Variants in ART4 observed in about 807,000 individuals in gnomAD.
ART4 encodes the protein ecto-ADP-ribosyltransferase 4.
A neutral mutation model predicts 24.2 loss-of-function variants in ART4; 14 were observed. The ratio of observed to expected loss-of-function variants is 0.58; its 90% CI spans 0.38 to 0.90. ART4 has a LOEUF of 0.90. Among genes scored for constraint, ART4 ranks in the 40% least tolerant of loss-of-function variants. The pLI is 0.00. For synonymous variants in ART4, 145 were observed against 139.9 expected (o/e 1.04, Z -0.26); for missense variants, 356 against 366.6 (o/e 0.97, Z 0.24).
chr12:14,829,506 T>G, intron 2 of ART4, 44 bp from the exon 3 acceptor site: 1 of 1,469,650 alleles, frequency 6.8e-7, no homozygotes. Context: ...TAGCAGAGTT[T>G]TTTTTAAAAC....
At chr12:14,831,485 G>A (rs915116896) in intron 2 of ART4, among the ~76,000 whole-genome samples, 2 of 151,364 alleles carry the variant, frequency 1.3e-5, no homozygotes, top group Non-Finnish European at 2.9e-5. Context: ...GGCTGGTCTC[G>A]AACTCCTGAG....
At position 14,840,634 on chromosome 12, in the gene ART4, T is replaced by G; in HGVS notation, c.664A>C (p.Asn222His). ...GTGAATATGGTAAATAGTGTCTGGT[T>G]CCCAAACTCCTGTGCCTCTTCTTTC... ...LLKEEAQEFG[N>H]QTLFTIFTCL... The change falls in exon 2 of 3, where the codon AAC becomes CAC. Residue 222 changes from asparagine to histidine, a missense_variant. By Grantham distance (68) the Asn-to-His change is moderately conservative. Transcript: ENST00000228936. 6.2e-7 allele frequency: 1 copy of G among 1,614,144 alleles called. No individual in the cohort carries two copies. The highest frequency in any genetic ancestry group is 8.5e-7 in the Non-Finnish European group (1 of 1,180,024).
Position 14,829,404 on chromosome 12 carries a change from G to A in ART4, c.912C>T (p.Thr304=). 6.2e-7 allele frequency: 1 copy of A among 1,607,898 alleles called. No individual in the cohort carries two copies. The highest frequency in any genetic ancestry group is 1.3e-5 in the African/African-American group (1 of 74,782). The change falls in exon 3 of 3, where the codon ACC becomes ACT. Residue 304 remains threonine, a synonymous_variant. Transcript: ENST00000228936. ...TGCTTTTGGAAAAGATGATGACACT[G>A]GTCAAAAAGGAGAGAGATGCAATAG... ...PIAIASLSFL[T]SVIIFSKSRV
chr12:14,829,290 AT>A lies in ART4; in HGVS notation c.*80del. 1 of 965,814 alleles carries A rather than the reference AT, an allele frequency of 1.0e-6. No individual in the cohort carries two copies. Among genetic ancestry groups the A allele is most frequent in the East Asian group, 2.9e-5 (1 of 34,976 alleles). 59.8% of individuals were successfully genotyped at this position (965,814 alleles called of 1,614,324 possible). ...TGGGATCATCCTTCCTGGAAAATAA[AT>A]GTCCATTTCTAGCCAAAAGGCCAAT... On this transcript the variant is annotated 3_prime_UTR_variant, in exon 3 of 3. Coordinates refer to ENST00000228936, the MANE Select transcript of ART4 (RefSeq NM_021071.4).
chr12:14,829,478 CAA>C lies in ART4; in HGVS notation c.854-18_854-17del. 6.3e-7 allele frequency: 1 copy of C among 1,587,684 alleles called. No individual in the cohort carries two copies. The highest frequency in any genetic ancestry group is 1.4e-5 in the African/African-American group (1 of 73,956). On this transcript the variant is annotated splice_polypyrimidine_tract_variant and intron_variant, in intron 2 of 2. Coordinates refer to ENST00000228936, the MANE Select transcript of ART4 (RefSeq NM_021071.4). Reference sequence around the variant, plus strand: ...TTGCTGGAAGCTGTAAAAAACAAAACAAAGGAAATATTTTAGGTAGCAGAGTT... The same window carrying C: ...TTGCTGGAAGCTGTAAAAAACAAAACAGGAAATATTTTAGGTAGCAGAGTT...
intron 2 of ART4, among the ~76,000 whole-genome samples, chr12:14,837,865 T>A (rs1950441550): frequency 6.6e-6 from 1 of 152,172 alleles, no homozygotes; most frequent in Non-Finnish European, 1.5e-5. Context: ...GAGGTTCTGT[T>A]ACGATAATTA....
At chr12:14,836,142 T>G (rs374985766) in intron 2 of ART4, among the ~76,000 whole-genome samples, 1 of 152,184 alleles carries the variant, frequency 6.6e-6, no homozygotes, top group South Asian at 2.1e-4. Flanking sequence ...GAATTTCTTT[T>G]TCCTTCTTCA....
Position 14,828,037 on chromosome 12 carries a change from C to T in ART4, c.*1334G>A, listed in dbSNP as rs755051717. On this transcript the variant is annotated 3_prime_UTR_variant, in exon 3 of 3. Coordinates refer to ENST00000228936, the MANE Select transcript of ART4 (RefSeq NM_021071.4). ...CCATTTAGCCTGATACCAGGGTCTT[C>T]AGTGATCGTGATCGGGTTAAATAAT... is the stretch of plus-strand genomic sequence containing the variant. 6.6e-6 allele frequency: 1 copy of T among 152,188 alleles called. No individual in the cohort carries two copies. The highest frequency in any genetic ancestry group is 1.5e-5 in the Non-Finnish European group (1 of 68,040). 9.4% of individuals were successfully genotyped at this position (152,188 alleles called of 1,614,324 possible). A position where few individuals can be genotyped will look rare whatever the true frequency, so the allele number is the denominator to read the frequency against.
intron 2 of ART4, among the ~76,000 whole-genome samples, chr12:14,835,864 A>G (rs1160496338): frequency 1.3e-5 from 2 of 152,058 alleles, no homozygotes; most frequent in African/African-American, 4.8e-5. Flanking sequence ...CGACCTCCCA[A>G]AGTGCTGAGA....
chr12:14,830,649 GTATATA>G (rs3084548), intron 2 of ART4, among the ~76,000 whole-genome samples: 1,581 of 25,812 alleles, frequency 0.061, 80 homozygotes, highest in Non-Finnish European at 0.063. Context: ...CTGTATGTAT[GTATATA>G]TATATATATA....
chr12:14,827,357 C>T lies in ART4; in HGVS notation c.*2014G>A, dbSNP rs1226965979. ...AGGTAGCCACCAAACTGCCAAAGACCCTATCCTATGCAAGTCACATAAATT... is the reference window on the plus strand; with the variant it reads ...AGGTAGCCACCAAACTGCCAAAGACTCTATCCTATGCAAGTCACATAAATT... On this transcript the variant is annotated 3_prime_UTR_variant, in exon 3 of 3. Coordinates refer to ENST00000228936, the MANE Select transcript of ART4 (RefSeq NM_021071.4). 1 of 152,216 alleles carries T rather than the reference C, an allele frequency of 6.6e-6. No individual in the cohort carries two copies. The highest frequency in any genetic ancestry group is 1.5e-5 in the Non-Finnish European group (1 of 68,092). The allele number at this position is 152,216 out of a possible 1,614,324, so 9.4% of individuals were successfully genotyped here. A position where few individuals can be genotyped will look rare whatever the true frequency, so the allele number is the denominator to read the frequency against.
At chr12:14,832,271 G>A (rs11056198) in intron 2 of ART4, among the ~76,000 whole-genome samples, 49,011 of 151,922 alleles carry the variant, frequency 0.32, 8,643 homozygotes, top group Middle Eastern at 0.39. Context: ...TCTCATTCCC[G>A]TACACTGGCA....
intron 2 of ART4, among the ~76,000 whole-genome samples, chr12:14,836,747 A>G (rs537168567): frequency 2.6e-5 from 4 of 152,262 alleles, no homozygotes; most frequent in African/African-American, 9.6e-5. Flanking sequence ...CTGCAATGTG[A>G]GCTTATTCCT....
intron 2 of ART4, among the ~76,000 whole-genome samples, chr12:14,835,566 C>T (rs921503824): frequency 6.6e-6 from 1 of 151,864 alleles, no homozygotes; most frequent in Non-Finnish European, 1.5e-5. Flanking sequence ...AACAAACAAA[C>T]AACACTGTAG....
chr12:14,840,469 T>A lies in ART4; in HGVS notation c.829A>T (p.Thr277Ser). Residue 277 changes from threonine (T) to serine (S), a missense_variant, in exon 2 of 3, where the codon ACA becomes TCA. By Grantham distance (58) the Thr-to-Ser change is moderately conservative (BLOSUM62 1). Transcript: ENST00000228936. ...LQLRSTGNLS[T>S]YNCQLLKASS... ...CCTTTTAGCAGCTGACAGTTATATG[T>A]GCTCAGGTTCCCAGTTGACCTCAAC... is the stretch of plus-strand genomic sequence containing the variant. 1.2e-6 allele frequency: 2 copies of A among 1,613,140 alleles called. No homozygotes were observed. Among genetic ancestry groups the A allele is most frequent in the Non-Finnish European group, 1.7e-6 (2 of 1,179,602 alleles).
At chr12:14,835,227 TAC>T (rs1950421546) in intron 2 of ART4, among the ~76,000 whole-genome samples, 1 of 152,190 alleles carries the variant, frequency 6.6e-6, no homozygotes, top group Non-Finnish European at 1.5e-5. Context: ...CAGAGAAGAT[TAC>T]AGTTTCGTGA....
chr12:14,831,359 C>T (rs750035924), intron 2 of ART4, among the ~76,000 whole-genome samples: 3 of 150,834 alleles, frequency 2.0e-5, no homozygotes, highest in Non-Finnish European at 2.9e-5. Flanking sequence ...AACATCAGCT[C>T]AAGTGATTCT....
At chr12:14,830,167 A>G (rs1950385159) in intron 2 of ART4, among the ~76,000 whole-genome samples, 1 of 143,424 alleles carries the variant, frequency 7.0e-6, no homozygotes, top group African/African-American at 2.5e-5. Flanking sequence ...CTAACTACAC[A>G]TATACACCTT....
intron 2 of ART4, among the ~76,000 whole-genome samples, chr12:14,836,854 A>C (rs935510163): frequency 6.6e-6 from 1 of 152,150 alleles, no homozygotes; most frequent in Non-Finnish European, 1.5e-5. Flanking sequence ...CCTCTGACCT[A>C]TCTCTTCCCT....
Sources: gnomAD v4.1 joint callset for allele counts (sites outside exome capture counted in the v4.1 genomes callset) on GRCh38, gnomAD v4.1.1 for gene constraint, MANE v1.5 for transcripts, NCBI Gene and HGNC (gene_info 2026-07-23, HGNC 2026-07-21) for gene names.